The following PKNOX2 variants were observed in gnomAD, a reference collection of about 807,000 sequenced individuals.
The protein encoded by PKNOX2 is PBX/knotted 1 homeobox 2.
A neutral mutation model predicts 53.1 loss-of-function variants in PKNOX2; 14 were observed. That is an observed-to-expected ratio of 0.26 (90% CI 0.17 to 0.41). The LOEUF (loss-of-function observed/expected upper bound fraction) is 0.41, where lower values mean the gene tolerates loss of function less well. Among genes scored for constraint, PKNOX2 ranks in the 10% least tolerant of loss-of-function variants. The pLI, the probability that PKNOX2 is intolerant of heterozygous loss-of-function variation, is 1.00. For synonymous variants in PKNOX2, 257 were observed against 242.8 expected, an observed-to-expected ratio of 1.06 and a Z score of -0.54; for missense variants, 496 against 602.8, an observed-to-expected ratio of 0.82 and a Z score of 1.85.
At chr11:125,340,794 G>A (rs560903231) in intron 3 of PKNOX2, among the ~76,000 whole-genome samples, 77 of 152,186 alleles carry the variant, frequency 5.1e-4, no homozygotes, top group African/African-American at 1.7e-3. Flanking sequence ...GCTCACGCCC[G>A]TAATCCCAGC....
At position 125,367,947 on chromosome 11, in the gene PKNOX2, C is replaced by A. The variant is rs941852193; in HGVS notation, c.189C>A (p.Pro63=). 1.2e-6 allele frequency: 2 copies of A among 1,613,380 alleles called. No homozygotes were observed. The highest frequency in any genetic ancestry group is 1.7e-6 in the Non-Finnish European group (2 of 1,179,656). The change falls in exon 5 of 13, where the codon CCC becomes CCA. Residue 63 remains proline (P), a synonymous_variant. Coordinates refer to ENST00000298282, the MANE Select transcript of PKNOX2 (RefSeq NM_001382323.2). ...CTGTGCCCAGTGCCCCCATCGACCC[C>A]CAGGCCCAGCTGGAGGCTGACAAGC... ...STPVPSAPID[P]QAQLEADKRA...
intron 1 of PKNOX2, among the ~76,000 whole-genome samples, chr11:125,211,731 C>T (rs1193856421): frequency 6.6e-6 from 1 of 152,056 alleles, no homozygotes; most frequent in East Asian, 1.9e-4. Context: ...CTTTGGGCTG[C>T]AGGGGGAGGT....
At chr11:125,185,132 C>T (rs1956371701) in intron 1 of PKNOX2, among the ~76,000 whole-genome samples, 1 of 152,246 alleles carries the variant, frequency 6.6e-6, no homozygotes, top group Non-Finnish European at 1.5e-5. Flanking sequence ...TGACCATTGC[C>T]TCCTGGCATT....
intron 1 of PKNOX2, among the ~76,000 whole-genome samples, chr11:125,230,623 C>T (rs992649810): frequency 5.3e-5 from 8 of 152,206 alleles, no homozygotes; most frequent in Non-Finnish European, 8.8e-5. Flanking sequence ...GGAGTTGTCA[C>T]AATTTGGTCC....
At chr11:125,385,908 T>A (rs1223449210) in intron 6 of PKNOX2, among the ~76,000 whole-genome samples, 186 bp downstream of exon 6, 6 of 152,196 alleles carry the variant, frequency 3.9e-5, no homozygotes, top group Non-Finnish European at 8.8e-5. Context: ...AACCAAGAGT[T>A]CCATGCACAG....
At chr11:125,190,460 G>T (rs1187949962) in intron 1 of PKNOX2, among the ~76,000 whole-genome samples, 1 of 152,150 alleles carries the variant, frequency 6.6e-6, no homozygotes, top group Non-Finnish European at 1.5e-5. Flanking sequence ...ATCATGGCCT[G>T]ATTAATTCTC....
chr11:125,331,084 A>G (rs1950118776), intron 2 of PKNOX2, among the ~76,000 whole-genome samples: 1 of 151,798 alleles, frequency 6.6e-6, no homozygotes, highest in Non-Finnish European at 1.5e-5. Context: ...CCACAAGGAG[A>G]AATTGATGGG....
chr11:125,351,253 A>C, intron 3 of PKNOX2, 31 bp from the exon 4 acceptor site: 1 of 929,450 alleles, frequency 1.1e-6, no homozygotes. Flanking sequence ...CAGCGGTGTT[A>C]ACGGTGCGGC....
chr11:125,263,197 A>G (rs1393125923), intron 2 of PKNOX2, among the ~76,000 whole-genome samples: 1 of 152,090 alleles, frequency 6.6e-6, no homozygotes, highest in African/African-American at 2.4e-5. Flanking sequence ...TGGGGAGGAC[A>G]TTGCCCTACC....
chr11:125,178,187 T>C (rs1955835770), intron 1 of PKNOX2, among the ~76,000 whole-genome samples: 1 of 152,056 alleles, frequency 6.6e-6, no homozygotes, highest in Non-Finnish European at 1.5e-5. Flanking sequence ...GTAACTTACC[T>C]AAGGCCACAC....
chr11:125,337,298 T>C (rs960164148), intron 3 of PKNOX2, among the ~76,000 whole-genome samples: 1 of 152,202 alleles, frequency 6.6e-6, no homozygotes, highest in African/African-American at 2.4e-5. Flanking sequence ...GAGCAGCCAC[T>C]CTTTCTTGTT....
intron 2 of PKNOX2, among the ~76,000 whole-genome samples, chr11:125,238,681 C>T (rs1006290713): frequency 1.3e-5 from 2 of 152,118 alleles, no homozygotes. Flanking sequence ...TCTAAATGGG[C>T]CTACTTCATG....
intron 2 of PKNOX2, among the ~76,000 whole-genome samples, chr11:125,313,263 G>A (rs1174756804): frequency 2.6e-5 from 4 of 152,204 alleles, no homozygotes; most frequent in Non-Finnish European, 2.9e-5. Flanking sequence ...AGCAGACAGA[G>A]GGTGGGCAGG....
chr11:125,409,413 A>G (rs1156629817), intron 7 of PKNOX2, among the ~76,000 whole-genome samples: 1 of 152,200 alleles, frequency 6.6e-6, no homozygotes, highest in East Asian at 1.9e-4. Context: ...GTCTGTTTCC[A>G]GTGGAATCCT....
intron 2 of PKNOX2, among the ~76,000 whole-genome samples, chr11:125,242,595 T>A (rs1943246978): frequency 6.6e-6 from 1 of 152,018 alleles, no homozygotes; most frequent in African/African-American, 2.4e-5. Context: ...GGAGTCTGCA[T>A]TCCATGCTGG....
rs944213601 is a variant in PKNOX2, at chr11:125,165,722, C to A, written c.-201+946C>A. Among the ~76,000 whole-genome samples the A allele has an allele frequency of 1.3e-5, 2 of 152,090 alleles. No homozygotes were observed. The highest frequency in any genetic ancestry group is 2.9e-5 in the Non-Finnish European group (2 of 67,964). ...TGATTGCTGGGGATCTTTGGTGAGGCGGGCGTAGGGGCCCGCGCGAGGCTT... is the reference window on the plus strand; with the variant it reads ...TGATTGCTGGGGATCTTTGGTGAGGAGGGCGTAGGGGCCCGCGCGAGGCTT... On this transcript the variant is annotated intron_variant, in intron 1 of 12. Transcript: ENST00000298282. The surrounding 1 kb of genome is among the most constrained non-coding windows in gnomAD (Gnocchi z 4.5).
At chr11:125,303,516 G>T (rs61917772) in intron 2 of PKNOX2, among the ~76,000 whole-genome samples, 2 of 152,148 alleles carry the variant, frequency 1.3e-5, no homozygotes, top group African/African-American at 4.8e-5. Context: ...CTCTGGCGCT[G>T]CCTGGGCCTC....
intron 7 of PKNOX2, among the ~76,000 whole-genome samples, chr11:125,406,640 C>A (rs1250384220): frequency 6.6e-6 from 1 of 151,922 alleles, no homozygotes; most frequent in African/African-American, 2.4e-5. Context: ...GAGCACTCGT[C>A]CTACACTCAG....
chr11:125,406,046 A>C (rs1010718369), intron 7 of PKNOX2, among the ~76,000 whole-genome samples: 4 of 152,168 alleles, frequency 2.6e-5, no homozygotes, highest in Admixed American at 2.6e-4. Flanking sequence ...TCTCACTTCC[A>C]TCTGGGTGCT....
Sources: gnomAD v4.1 joint callset for allele counts (sites outside exome capture counted in the v4.1 genomes callset) on GRCh38, gnomAD v4.1.1 for gene constraint, Gnocchi (gnomAD v3.1) non-coding constraint, MANE v1.5 for transcripts, NCBI Gene and HGNC (gene_info 2026-07-23, HGNC 2026-07-21) for gene names.